SF3B6: variants seen among roughly 807,000 people sequenced by gnomAD.
SF3B6 encodes SF3b 14 kDa subunit.
SF3B6 carries 3 observed loss-of-function variants against 15.9 expected under a neutral mutation model. That is an observed-to-expected ratio of 0.19 (90% CI 0.09 to 0.49). The LOEUF (loss-of-function observed/expected upper bound fraction) is 0.49. SF3B6 is among the 20% of genes least tolerant of loss of function. The pLI is 0.97. For missense variants in SF3B6, 71 were observed against 154.3 expected, an observed-to-expected ratio of 0.46 and a Z score of 2.86; for synonymous variants, 49 against 51.1, an observed-to-expected ratio of 0.96 and a Z score of 0.18.
chr2:24,072,069 C>G (rs1430062160), intron 2 of SF3B6, among the ~76,000 whole-genome samples: 1 of 152,122 alleles, frequency 6.6e-6, no homozygotes. Flanking sequence ...TCACTGCAGC[C>G]TCAGCCTCCC....
intron 2 of SF3B6, among the ~76,000 whole-genome samples, chr2:24,071,983 ATTTTC>A (rs768617812): frequency 3.3e-5 from 5 of 151,982 alleles, no homozygotes; most frequent in African/African-American, 9.6e-5. Flanking sequence ...TTATTCTTCT[ATTTTC>A]TTTTCTTTTG....
At chr2:24,069,405 T>C (rs575531178) in intron 2 of SF3B6, among the ~76,000 whole-genome samples, 1 of 152,262 alleles carries the variant, frequency 6.6e-6, no homozygotes, top group South Asian at 2.1e-4. Flanking sequence ...GTAGAGAAGT[T>C]TGAGGAGCAA....
intron 2 of SF3B6, among the ~76,000 whole-genome samples, chr2:24,069,941 C>G (rs1664627397): frequency 1.3e-5 from 2 of 152,152 alleles, no homozygotes; most frequent in South Asian, 4.1e-4. Context: ...CCTTTAGTGC[C>G]ACGCATAAGG....
rs1664601318 is a variant in SF3B6 at position 24,068,598 on chromosome 2, A to G, written c.150-139T>C. On this transcript the variant is annotated intron_variant, in intron 2 of 3. Coordinates refer to ENST00000233468, the MANE Select transcript of SF3B6 (RefSeq NM_016047.4). ...TACGTTTTTAGTTAAGTATTTTGAA[A>G]TCAACCTGAAACCATCAGAGGAAAT... 14 of 758,768 alleles carry G rather than the reference A, an allele frequency of 1.8e-5. No individual in the cohort carries two copies. In the East Asian group the frequency reaches 3.8e-4, roughly 20 times the overall value. The allele number at this position is 758,768 out of a possible 1,614,324, so 47.0% of individuals were successfully genotyped here.
Position 24,067,937 on chromosome 2 carries a change from A to G in SF3B6, c.289-86T>C, listed in dbSNP as rs904669249. ...ATAGCATTAGCCAAAAAAGAAAGTCATAGTAGACATATATCATCACAGTAC... is the reference window on the plus strand; with the variant it reads ...ATAGCATTAGCCAAAAAAGAAAGTCGTAGTAGACATATATCATCACAGTAC... On this transcript the variant is annotated intron_variant, in intron 3 of 3. Transcript: ENST00000233468. The G allele has an allele frequency of 7.6e-6, 8 of 1,047,480 alleles. No individual in the cohort carries two copies. The East Asian group carries it at 1.7e-4, about 22-fold the overall frequency. The allele number at this position is 1,047,480 out of a possible 1,614,324, so 64.9% of individuals were successfully genotyped here. A position where few individuals can be genotyped will look rare whatever the true frequency, so the allele number is the denominator to read the frequency against.
At chr2:24,072,380 T>A (rs1175630943) in intron 2 of SF3B6, among the ~76,000 whole-genome samples, 1 of 152,160 alleles carries the variant, frequency 6.6e-6, no homozygotes, top group East Asian at 1.9e-4. Flanking sequence ...AAATAATATA[T>A]GGTACGAGCC....
At chr2:24,074,741 C>T (rs1182220235) in intron 1 of SF3B6, among the ~76,000 whole-genome samples, 2 of 152,224 alleles carry the variant, frequency 1.3e-5, no homozygotes, top group East Asian at 3.8e-4. Context: ...CACTTCTAAA[C>T]TCAACCTATC....
rs1664585274 is a variant in SF3B6, at chr2:24,067,871, CA to C, written c.289-21del. 4 of 1,602,972 alleles carry C rather than the reference CA, an allele frequency of 2.5e-6. No individual in the cohort carries two copies. In the South Asian group the frequency reaches 4.4e-5, roughly 18 times the overall value. ...AAATGCCTGGAAATGTGGTAAGCACCAAAATTAAATTACCAATCTACAGCCA... is the reference window on the plus strand; with the variant it reads ...AAATGCCTGGAAATGTGGTAAGCACCAAATTAAATTACCAATCTACAGCCA... On this transcript the variant is annotated intron_variant, in intron 3 of 3. Coordinates refer to ENST00000233468, the MANE Select transcript of SF3B6 (RefSeq NM_016047.4).
rs1573705789 is a variant in SF3B6 at position 24,067,713 on chromosome 2, G to A, written c.*49C>T. On this transcript the variant is annotated 3_prime_UTR_variant, in exon 4 of 4. Coordinates refer to ENST00000233468, the MANE Select transcript of SF3B6 (RefSeq NM_016047.4). ...TATTAATTAAAAAGGAAAAAAAGGT[G>A]GTAGTTGTCATTCGTGGGATTTAGT... 5 of 1,435,968 alleles carry A rather than the reference G, an allele frequency of 3.5e-6. No individual in the cohort carries two copies. Among genetic ancestry groups the A allele is most frequent in the African/African-American group, 1.4e-5 (1 of 70,738 alleles). 89.0% of individuals were successfully genotyped at this position (1,435,968 alleles called of 1,614,324 possible). A position where few individuals can be genotyped will look rare whatever the true frequency, so the allele number is the denominator to read the frequency against.
At chr2:24,074,481 G>A (rs1664701673) in intron 1 of SF3B6, among the ~76,000 whole-genome samples, 1 of 151,424 alleles carries the variant, frequency 6.6e-6, no homozygotes, top group African/African-American at 2.4e-5. Context: ...AACATAGTGA[G>A]ACCCCCATCT....
intron 2 of SF3B6, among the ~76,000 whole-genome samples, chr2:24,069,242 G>A (rs552708357): frequency 6.6e-6 from 1 of 152,358 alleles, no homozygotes; most frequent in Non-Finnish European, 1.5e-5. Flanking sequence ...GAGTGGAAGT[G>A]TGCTTGTGGA....
At chr2:24,074,627 C>G (rs898283861) in intron 1 of SF3B6, among the ~76,000 whole-genome samples, 3 of 152,196 alleles carry the variant, frequency 2.0e-5, no homozygotes, top group African/African-American at 7.2e-5. Context: ...GACCCTGATT[C>G]TTGTTTCTTG....
intron 2 of SF3B6, chr2:24,073,813 A>T (rs1664690936): frequency 3.7e-6 from 1 of 272,314 alleles, no homozygotes; most frequent in African/African-American, 2.2e-5. Context: ...AGTTTCCTCA[A>T]AGCATTCATT....
intron 2 of SF3B6, among the ~76,000 whole-genome samples, chr2:24,071,095 C>T (rs946889410): frequency 1.3e-5 from 2 of 152,032 alleles, no homozygotes; most frequent in Admixed American, 6.6e-5. Flanking sequence ...CGGGTTCAAG[C>T]GGCTCTCCTG....
chr2:24,071,827 T>G (rs1052939742), intron 2 of SF3B6, among the ~76,000 whole-genome samples: 2 of 152,198 alleles, frequency 1.3e-5, no homozygotes, highest in African/African-American at 4.8e-5. Context: ...TGCACTCTTC[T>G]GAAGATGCCC....
intron 3 of SF3B6, 26 bp from the exon 4 acceptor site, chr2:24,067,877 T>A: frequency 6.3e-7 from 1 of 1,589,066 alleles, no homozygotes; most frequent in Non-Finnish European, 8.6e-7. Context: ...GCACCAAAAT[T>A]AAATTACCAA....
At chr2:24,075,886 A>G (rs1207172970) in intron 1 of SF3B6, among the ~76,000 whole-genome samples, 1 of 152,074 alleles carries the variant, frequency 6.6e-6, no homozygotes, top group Non-Finnish European at 1.5e-5. Context: ...CTCTTCTGAG[A>G]TATCGACTTT....
At chr2:24,075,044 G>T (rs1013275335) in intron 1 of SF3B6, among the ~76,000 whole-genome samples, 1 of 152,134 alleles carries the variant, frequency 6.6e-6, no homozygotes, top group African/African-American at 2.4e-5. Flanking sequence ...CAGGAGAATT[G>T]CTTGAACTCA....
chr2:24,075,349 CTTTCTTT>C (rs1664719697), intron 1 of SF3B6, among the ~76,000 whole-genome samples: 1 of 138,388 alleles, frequency 7.2e-6, no homozygotes, highest in Non-Finnish European at 1.5e-5. Flanking sequence ...TTCTTTCTTT[CTTTCTTT>C]CTGTTTTTTT....
Sources: allele counts gnomAD v4.1 joint callset (sites outside exome capture counted in the v4.1 genomes callset), GRCh38; gene constraint gnomAD v4.1.1; transcripts MANE v1.5; gene names NCBI Gene and HGNC (gene_info 2026-07-23, HGNC 2026-07-21).